PRRC1: variants seen among roughly 807,000 people sequenced by gnomAD.
PRRC1 encodes proline rich coiled-coil 1.
In PRRC1, 39 loss-of-function variants were observed where a neutral mutation model predicts 40.7. The observed-to-expected ratio is 0.96, with a 90% CI of 0.74 to 1.25. The LOEUF is 1.25. Ranked by LOEUF, PRRC1 falls within the 50% of genes most tolerant of loss-of-function variation. PRRC1 has a pLI of 0.00. For synonymous variants in PRRC1, 175 were observed against 193.3 expected, an observed-to-expected ratio of 0.91 and a Z score of 0.79; for missense variants, 573 against 548.3, an observed-to-expected ratio of 1.05 and a Z score of -0.45.
At chr5:127,543,060 C>CA (rs1768097039) in intron 7 of PRRC1, among the ~76,000 whole-genome samples, 1 of 149,520 alleles carries the variant, frequency 6.7e-6, no homozygotes, top group Admixed American at 6.7e-5. Flanking sequence ...GCTTTTAGGG[C>CA]AGGCCTGGTG....
chr5:127,551,588 CAG>C (rs1423809311), intron 8 of PRRC1, 117 bp from the exon 9 acceptor site: 11 of 1,058,792 alleles, frequency 1.0e-5, no homozygotes, highest in Non-Finnish European at 1.2e-5. Context: ...CTGTATTTCT[CAG>C]AGTTTGTCAT....
Position 127,533,734 on chromosome 5 carries a change from C to T in PRRC1, c.869C>T (p.Ala290Val). The T allele has an allele frequency of 6.2e-7, 1 of 1,614,090 alleles. No homozygotes were observed. The highest frequency in any genetic ancestry group is 2.2e-5 in the East Asian group (1 of 44,862). Reference sequence around the variant, plus strand: ...GGCTTAGCTGTGGTTGTAGGGGAAGCTGGACAGTCCAATATTGCCCCACAA... The same window carrying T: ...GGCTTAGCTGTGGTTGTAGGGGAAGTTGGACAGTCCAATATTGCCCCACAA... Reference protein sequence around the residue: ...VFGLAVVVGEAGQSNIAPQPV... With the variant: ...VFGLAVVVGEVGQSNIAPQPV... The change falls in exon 6 of 9, where the codon GCT (alanine) becomes GTT (valine). Residue 290 changes from alanine (A) to valine (V), a missense_variant. Coordinates refer to ENST00000296666, the MANE Select transcript of PRRC1 (RefSeq NM_130809.5).
rs1580960301 is a variant in PRRC1, at chr5:127,555,012, G to A, written c.*3096G>A. 1 of 152,638 alleles carries A rather than the reference G, an allele frequency of 6.6e-6. No individual in the cohort carries two copies. The highest frequency in any genetic ancestry group is 1.9e-4 in the East Asian group (1 of 5,186). The allele number at this position is 152,638 out of a possible 1,614,324, so 9.5% of individuals were successfully genotyped here. On this transcript the variant is annotated 3_prime_UTR_variant, in exon 9 of 9. Coordinates refer to ENST00000296666, the MANE Select transcript of PRRC1 (RefSeq NM_130809.5). ...GTGTTCATTTTATGATATTACGCAGGATGATGTATTGAGTAAAATCAGTTT... is the reference window on the plus strand; with the variant it reads ...GTGTTCATTTTATGATATTACGCAGAATGATGTATTGAGTAAAATCAGTTT...
At chr5:127,520,792 A>G (rs559459993) in intron 1 of PRRC1, among the ~76,000 whole-genome samples, 9 of 152,340 alleles carry the variant, frequency 5.9e-5, no homozygotes, top group African/African-American at 1.9e-4. Context: ...ACACACACAC[A>G]GTAAATGTAA....
rs3764978 is a variant in PRRC1 at position 127,526,628 on chromosome 5, A to G, written c.504A>G (p.Pro168=). The change falls in exon 4 of 9, where the codon CCA becomes CCG. Residue 168 remains proline (P), a synonymous_variant. Transcript: ENST00000296666. Reference sequence around the variant, plus strand: ...TTTGCCATTGATTAGGTCTTTTGCCAACTCCTATTACTCAGCAAGCCAGTT... The same window carrying G: ...TTTGCCATTGATTAGGTCTTTTGCCGACTCCTATTACTCAGCAAGCCAGTT... ...FSAPSGTGLL[P]TPITQQASLT... 198 of 1,605,574 alleles carry G rather than the reference A, an allele frequency of 1.2e-4. 2 individuals are homozygous for G. The East Asian group carries it at 4.3e-3, about 35-fold the overall frequency.
Position 127,519,943 on chromosome 5 carries a change from A to G in PRRC1, c.-21+2167A>G, listed in dbSNP as rs894130144. ...ATCTTTGTGCATGGCACCACCATCTATCTAGTTGTGCAAGTCATGCCTCCT... is the reference window on the plus strand; with the variant it reads ...ATCTTTGTGCATGGCACCACCATCTGTCTAGTTGTGCAAGTCATGCCTCCT... On this transcript the variant is annotated intron_variant, in intron 1 of 8. Transcript: ENST00000296666. Among the ~76,000 whole-genome samples, 23 of 152,264 alleles carry G rather than the reference A, an allele frequency of 1.5e-4. No individual in the cohort carries two copies. In the South Asian group the frequency reaches 4.2e-3, roughly 28 times the overall value.
chr5:127,534,830 T>C (rs901981060), intron 6 of PRRC1, among the ~76,000 whole-genome samples: 2 of 152,254 alleles, frequency 1.3e-5, no homozygotes, highest in Non-Finnish European at 2.9e-5. Context: ...AAACTTAATA[T>C]GTCTAGAACT....
Position 127,553,683 on chromosome 5 carries a change from A to G in PRRC1, c.*1767A>G. 1 of 1,481,294 alleles carries G rather than the reference A, an allele frequency of 6.8e-7. No individual in the cohort carries two copies. Among genetic ancestry groups the G allele is most frequent in the South Asian group, 1.3e-5 (1 of 77,094 alleles). 91.8% of individuals were successfully genotyped at this position (1,481,294 alleles called of 1,614,324 possible). A position where few individuals can be genotyped will look rare whatever the true frequency, so the allele number is the denominator to read the frequency against. On this transcript the variant is annotated 3_prime_UTR_variant, in exon 9 of 9. Transcript: ENST00000296666. ...CCCTCCTATTATAAGGAAATCTTACAGATTCTAAAAATACCTTAATTTTTC... is the reference window on the plus strand; with the variant it reads ...CCCTCCTATTATAAGGAAATCTTACGGATTCTAAAAATACCTTAATTTTTC...
intron 8 of PRRC1, chr5:127,550,884 G>A (rs1229512012): frequency 6.6e-6 from 1 of 152,188 alleles, no homozygotes; most frequent in Non-Finnish European, 1.5e-5. Flanking sequence ...ACGTAATACT[G>A]TACTGTTTCT....
chr5:127,554,596 T>C lies in PRRC1; in HGVS notation c.*2680T>C, dbSNP rs1020154532. 1 of 152,352 alleles carries C rather than the reference T, an allele frequency of 6.6e-6. No homozygotes were observed. Among genetic ancestry groups the C allele is most frequent in the Non-Finnish European group, 1.5e-5 (1 of 68,036 alleles). 9.4% of individuals were successfully genotyped at this position (152,352 alleles called of 1,614,324 possible). ...TTGAGACAACCCTAGACCTAAACTG[T>C]GTCACAGACTTCTGAATGTTTAGGC... On this transcript the variant is annotated 3_prime_UTR_variant, in exon 9 of 9. Transcript: ENST00000296666.
At chr5:127,532,607 A>C (rs1413034193) in intron 5 of PRRC1, among the ~76,000 whole-genome samples, 1 of 152,186 alleles carries the variant, frequency 6.6e-6, no homozygotes, top group African/African-American at 2.4e-5. Flanking sequence ...GTGAAAAAAA[A>C]AGTATATTCT....
In PRRC1 at chr5:127,553,307, A is replaced by G. The variant is rs1768440330; in HGVS notation, c.*1391A>G. On this transcript the variant is annotated 3_prime_UTR_variant, in exon 9 of 9. Transcript: ENST00000296666. Reference sequence around the variant, plus strand: ...TTCTGCTATTTTTTTACCTGAGGATAAGAAGAATGAATATTAAATTTGAAT... The same window carrying G: ...TTCTGCTATTTTTTTACCTGAGGATGAGAAGAATGAATATTAAATTTGAAT... 2.0e-6 allele frequency: 2 copies of G among 985,460 alleles called. No homozygotes were observed. Among genetic ancestry groups the G allele is most frequent in the South Asian group, 9.4e-5 (2 of 21,314 alleles). 61.0% of individuals were successfully genotyped at this position (985,460 alleles called of 1,614,324 possible). A position where few individuals can be genotyped will look rare whatever the true frequency, so the allele number is the denominator to read the frequency against.
chr5:127,519,089 A>G (rs1333347441), intron 1 of PRRC1, among the ~76,000 whole-genome samples: 1 of 152,216 alleles, frequency 6.6e-6, no homozygotes, highest in Non-Finnish European at 1.5e-5. Flanking sequence ...TCTTTTGCAG[A>G]CACATTTGTT....
intron 1 of PRRC1, among the ~76,000 whole-genome samples, chr5:127,521,203 G>A (rs1767449608): frequency 3.3e-5 from 5 of 152,092 alleles, no homozygotes; most frequent in Admixed American, 3.3e-4. Flanking sequence ...CTTGCCCCCA[G>A]TTTCAGTAAA....
intron 7 of PRRC1, among the ~76,000 whole-genome samples, chr5:127,544,691 G>A (rs530117960): frequency 4.0e-4 from 61 of 152,330 alleles, no homozygotes; most frequent in Middle Eastern, 3.4e-3. Flanking sequence ...AACCAGGTGC[G>A]GGATATAATC....
chr5:127,524,734 G>T lies in PRRC1; in HGVS notation c.307G>T (p.Gly103Cys). 2.5e-6 allele frequency: 4 copies of T among 1,613,970 alleles called. No homozygotes were observed. Among genetic ancestry groups the T allele is most frequent in the Non-Finnish European group, 3.4e-6 (4 of 1,179,976 alleles). ...PVSPSTAAAF[G>C]NPPVSHFPPS... ...TTCTCCATCAACTGCTGCTGCCTTC[G>T]GTAATCCTCCTGTATCTCACTTCCC... Residue 103 changes from glycine to cysteine, a missense_variant, in exon 3 of 9, where the codon GGT becomes TGT. Coordinates refer to ENST00000296666, the MANE Select transcript of PRRC1 (RefSeq NM_130809.5).
intron 2 of PRRC1, 111 bp from the exon 3 acceptor site, chr5:127,524,420 A>T: frequency 2.1e-6 from 2 of 946,502 alleles, no homozygotes; most frequent in Non-Finnish European, 3.2e-6. Flanking sequence ...AATTCTTGGG[A>T]TATGCTTTGG....
In PRRC1 at chr5:127,554,762, A is replaced by G. The variant is rs1768483306; in HGVS notation, c.*2846A>G. 1 of 152,660 alleles carries G rather than the reference A, an allele frequency of 6.6e-6. No homozygotes were observed. The highest frequency in any genetic ancestry group is 1.5e-5 in the Non-Finnish European group (1 of 68,034). The allele number at this position is 152,660 out of a possible 1,614,324, so 9.5% of individuals were successfully genotyped here. On this transcript the variant is annotated 3_prime_UTR_variant, in exon 9 of 9. Transcript: ENST00000296666. ...TGATAGTATAAGTATCTAAGTGCAGATGAAAGTGTGTTATATACATCCATT... is the reference window on the plus strand; with the variant it reads ...TGATAGTATAAGTATCTAAGTGCAGGTGAAAGTGTGTTATATACATCCATT...
intron 5 of PRRC1, 64 bp downstream of exon 5, chr5:127,530,460 C>T (rs1767739247): frequency 2.1e-6 from 2 of 974,488 alleles, no homozygotes; most frequent in Non-Finnish European, 1.6e-6. Context: ...ACATCAGCCA[C>T]TAATTGTAAT....
Sources: gnomAD v4.1 joint callset for allele counts (sites outside exome capture counted in the v4.1 genomes callset) on GRCh38, gnomAD v4.1.1 for gene constraint, MANE v1.5 for transcripts, NCBI Gene and HGNC (gene_info 2026-07-23, HGNC 2026-07-21) for gene names.